CCDC180: variants seen among roughly 807,000 people sequenced by gnomAD.
CCDC180 encodes coiled-coil domain-containing protein 180.
Under a neutral mutation model 209.2 loss-of-function variants are expected in CCDC180, and 154 were observed. The ratio of observed to expected loss-of-function variants is 0.74; its 90% confidence interval spans 0.65 to 0.84. CCDC180 has a LOEUF of 0.84. Ranked by LOEUF, CCDC180 falls within the 40% of genes least tolerant of loss-of-function variation. CCDC180 has a pLI of 0.00. For synonymous variants in CCDC180, 778 were observed against 749.1 expected (o/e 1.04, Z -0.63); for missense variants, 1,874 against 1,997.3 (o/e 0.94, Z 1.18).
intron 18 of CCDC180, among the ~76,000 whole-genome samples, chr9:97,338,900 T>G (rs1825990538): frequency 6.6e-6 from 1 of 152,232 alleles, no homozygotes; most frequent in South Asian, 2.1e-4. Flanking sequence ...TTGATCCCTT[T>G]ACCATTATGT....
chr9:97,360,100 C>T lies in CCDC180; in HGVS notation c.3482C>T (p.Thr1161Ile). Reference protein sequence around the residue: ...DRVSMTELVFTNTILKDQEED... With the variant: ...DRVSMTELVFINTILKDQEED... ...GTGTCCATGACTGAACTGGTCTTTA[C>T]CGTAAGGAATGGGATAGGGTGGCAG... Residue 1161 changes from threonine to isoleucine, a missense_variant and splice_region_variant, in exon 26 of 37, where the codon ACC (threonine) becomes ATC (isoleucine). Physicochemically the swap from Thr to Ile is moderately conservative, Grantham distance 89 (BLOSUM62 -1). Transcript: ENST00000529487. 8 of 1,613,570 alleles carry T rather than the reference C, an allele frequency of 5.0e-6. No individual in the cohort carries two copies. The highest frequency in any genetic ancestry group is 5.1e-6 in the Non-Finnish European group (6 of 1,179,728).
At position 97,366,739 on chromosome 9, in the gene CCDC180, G is replaced by A; in HGVS notation, c.4189+39G>A. The A allele has an allele frequency of 6.2e-7, 1 of 1,604,582 alleles. No homozygotes were observed. The highest frequency in any genetic ancestry group is 8.5e-7 in the Non-Finnish European group (1 of 1,174,926). Reference sequence around the variant, plus strand: ...GCAGGAAGGCACGGGGAACAGGGCGGGGCGCGAAGCCAGTGGTGGAGCTCG... The same window carrying A: ...GCAGGAAGGCACGGGGAACAGGGCGAGGCGCGAAGCCAGTGGTGGAGCTCG... On this transcript the variant is annotated intron_variant, in intron 31 of 36. Coordinates refer to ENST00000529487, the MANE Select transcript of CCDC180 (RefSeq NM_020893.6). The surrounding 1 kb of genome is among the most constrained non-coding windows in gnomAD (Gnocchi z 4.3).
At chr9:97,375,933 G>T (rs73563893) in intron 36 of CCDC180, 3,338 of 279,140 alleles carry the variant, frequency 0.012, 87 homozygotes, top group African/African-American at 0.066. Context: ...GCTCAGGGGG[G>T]ACACAGCAGC....
rs754454427 is a variant in CCDC180, at chr9:97,320,103, A to C, written c.1080-23A>C. On this transcript the variant is annotated intron_variant, in intron 10 of 36. Coordinates refer to ENST00000529487, the MANE Select transcript of CCDC180 (RefSeq NM_020893.6). ...TAAACGGTTTGTTCCTGTGTGGCTT[A>C]CTTGCTGTATCTTCCTTCCCAGTGA... The C allele has an allele frequency of 8.1e-6, 13 of 1,601,676 alleles. No homozygotes were observed. In the East Asian group the frequency reaches 2.9e-4, roughly 36 times the overall value.
At chr9:97,317,714 GCTT>G (rs1337165579) in intron 9 of CCDC180, among the ~76,000 whole-genome samples, 1 of 152,136 alleles carries the variant, frequency 6.6e-6, no homozygotes, top group Non-Finnish European at 1.5e-5. Flanking sequence ...CCTTGTCCAT[GCTT>G]CTTCTGCCAA....
chr9:97,336,750 G>A (rs1218532905), intron 18 of CCDC180, among the ~76,000 whole-genome samples: 1 of 152,080 alleles, frequency 6.6e-6, no homozygotes, highest in African/African-American at 2.4e-5. Flanking sequence ...AAATTAACTT[G>A]GGCAGTATGG....
intron 27 of CCDC180, 27 bp downstream of exon 27, chr9:97,361,925 G>A (rs1156300865): frequency 1.9e-6 from 3 of 1,608,264 alleles, no homozygotes; most frequent in Admixed American, 3.3e-5. Flanking sequence ...TGCACCTAAG[G>A]CTCTGCCACC....
intron 18 of CCDC180, among the ~76,000 whole-genome samples, chr9:97,338,917 CTTCT>C (rs1418794951): frequency 6.6e-6 from 1 of 150,894 alleles, no homozygotes; most frequent in African/African-American, 2.4e-5. Flanking sequence ...ATGTAATGGC[CTTCT>C]TTGTCTCTTT....
Position 97,322,875 on chromosome 9 carries a change from A to T in CCDC180, c.1202A>T (p.Tyr401Phe). The part of the protein sequence containing the change: ...VDCMMRIRLL[Y>F]EKTWQECLMH... ...TGCATGATGCGGATCCGCCTGCTGT[A>T]TGAGAAGACATGGCAGGAGTGCCTG... The change falls in exon 12 of 37, where the codon TAT (tyrosine) becomes TTT (phenylalanine). Residue 401 changes from tyrosine to phenylalanine, a missense_variant. Tyr to Phe is a conservative substitution (Grantham distance 22). Transcript: ENST00000529487. 6.2e-7 allele frequency: 1 copy of T among 1,614,114 alleles called. No homozygotes were observed. Among genetic ancestry groups the T allele is most frequent in the Non-Finnish European group, 8.5e-7 (1 of 1,180,030 alleles).
At position 97,355,022 on chromosome 9, in the gene CCDC180, A is replaced by G. The variant is rs377164930; in HGVS notation, c.3264+14A>G. The G allele has an allele frequency of 7.2e-5, 111 of 1,538,202 alleles. No homozygotes were observed. The highest frequency in any genetic ancestry group is 2.0e-4 in the Admixed American group (12 of 59,898). ...ATCAAGTGCCAGGTAGGATAGATTC[A>G]TTCTTCATCAAGGATCTTTATCACA... On this transcript the variant is annotated intron_variant, in intron 24 of 36. Transcript: ENST00000529487.
At chr9:97,316,479 G>A (rs1231324525) in intron 8 of CCDC180, among the ~76,000 whole-genome samples, 2 of 152,190 alleles carry the variant, frequency 1.3e-5, no homozygotes, top group Non-Finnish European at 2.9e-5. Flanking sequence ...AGGCATTTGG[G>A]GCCAGGGAGG....
intron 16 of CCDC180, 50 bp from the exon 17 acceptor site, chr9:97,330,100 ACTCT>A: frequency 9.8e-7 from 1 of 1,025,160 alleles, no homozygotes; most frequent in Non-Finnish European, 1.5e-6. Context: ...GGTGGGGGGC[ACTCT>A]GAAGAAAGGC....
intron 24 of CCDC180, 98 bp downstream of exon 24, chr9:97,355,106 G>C: frequency 1.3e-6 from 1 of 753,216 alleles, no homozygotes; most frequent in South Asian, 1.6e-5. Flanking sequence ...TCTCTGTCCC[G>C]TGTGTGGGAC....
chr9:97,351,956 T>C (rs1010557503), intron 22 of CCDC180, among the ~76,000 whole-genome samples: 1 of 151,984 alleles, frequency 6.6e-6, no homozygotes, highest in African/African-American at 2.4e-5. Context: ...CTACTAAAAA[T>C]ACAAAAATTA....
chr9:97,345,470 AC>A (rs1480680473), intron 19 of CCDC180: 1 of 354,810 alleles, frequency 2.8e-6, no homozygotes, highest in East Asian at 9.0e-5. Flanking sequence ...GATATTGTAT[AC>A]CTTTAAAAAT....
Position 97,366,760 on chromosome 9 carries a change from G to A in CCDC180, c.4189+60G>A. On this transcript the variant is annotated intron_variant, in intron 31 of 36. Transcript: ENST00000529487. This position sits in a 1 kb window ranked among gnomAD's most constrained non-coding sequence, Gnocchi z 4.3. Reference sequence around the variant, plus strand: ...GGCGGGGCGCGAAGCCAGTGGTGGAGCTCGGCCTTGGCCTTGTGGCCTGGA... The same window carrying A: ...GGCGGGGCGCGAAGCCAGTGGTGGAACTCGGCCTTGGCCTTGTGGCCTGGA... 6.3e-7 allele frequency: 1 copy of A among 1,580,032 alleles called. No individual in the cohort carries two copies. Among genetic ancestry groups the A allele is most frequent in the Non-Finnish European group, 8.6e-7 (1 of 1,162,466 alleles).
chr9:97,355,005 C>T lies in CCDC180; in HGVS notation c.3261C>T (p.Cys1087=). 1.3e-6 allele frequency: 2 copies of T among 1,591,900 alleles called. No homozygotes were observed. The highest frequency in any genetic ancestry group is 1.7e-6 in the Non-Finnish European group (2 of 1,160,000). Residue 1087 remains cysteine (C), a synonymous_variant, in exon 24 of 37, where the codon TGC becomes TGT. Transcript: ENST00000529487. ...CGAATCTGCAAGTGAAAATCAAGTG[C>T]CAGGTAGGATAGATTCATTCTTCAT... The part of the protein sequence containing the change: ...LLTNLQVKIK[C]QVAKSNSQTN...
At chr9:97,311,689 T>C (rs1832990475) in intron 3 of CCDC180, among the ~76,000 whole-genome samples, 1 of 152,170 alleles carries the variant, frequency 6.6e-6, no homozygotes, top group South Asian at 2.1e-4. Flanking sequence ...TTCTGGAAAA[T>C]GAGGTTACCT....
At chr9:97,317,823 A>G (rs1833228619) in intron 9 of CCDC180, among the ~76,000 whole-genome samples, 1 of 152,150 alleles carries the variant, frequency 6.6e-6, no homozygotes. Flanking sequence ...AACATTCGGA[A>G]TCTGTCTCTT....
Sources: allele counts gnomAD v4.1 joint callset (sites outside exome capture counted in the v4.1 genomes callset), GRCh38; gene constraint gnomAD v4.1.1; non-coding constraint Gnocchi (gnomAD v3.1); transcripts MANE v1.5; gene names NCBI Gene and HGNC (gene_info 2026-07-23, HGNC 2026-07-21).